CLCN7: variants seen among roughly 807,000 people sequenced by gnomAD.
CLCN7 encodes the protein H(+)/Cl(-) exchange transporter 7.
Under a neutral mutation model 102.1 loss-of-function variants are expected in CLCN7, and 60 were observed. The observed-to-expected ratio is 0.59, with a 90% CI of 0.48 to 0.73. The LOEUF (loss-of-function observed/expected upper bound fraction) is 0.73. CLCN7 is among the 30% of genes least tolerant of loss of function. The pLI is 0.00. For synonymous variants in CLCN7, 560 were observed against 490.5 expected (o/e 1.14, Z -1.87); for missense variants, 962 against 1,125.7 (o/e 0.85, Z 2.08).
rs1202465884 is a variant in CLCN7, at chr16:1,474,829, C to A, written c.141+5G>T. 1 of 1,346,102 alleles carries A rather than the reference C, an allele frequency of 7.4e-7. No individual in the cohort carries two copies. The allele number at this position is 1,346,102 out of a possible 1,614,324, so 83.4% of individuals were successfully genotyped here. A position where few individuals can be genotyped will look rare whatever the true frequency, so the allele number is the denominator to read the frequency against. On this transcript the variant is annotated splice_donor_5th_base_variant and intron_variant, in intron 1 of 24. Coordinates refer to ENST00000382745, the MANE Select transcript of CLCN7 (RefSeq NM_001287.6). ...TTTCCCCGCCTGCGCCCTGCCCGGC[C>A]TCACCTGGCGCGCAGCCCCAGGCCC...
chr16:1,470,980 A>G (rs2039069996), intron 1 of CLCN7, among the ~76,000 whole-genome samples: 1 of 152,130 alleles, frequency 6.6e-6, no homozygotes, highest in South Asian at 2.1e-4. Context: ...CTCAGTTCTC[A>G]AGGAGTTCTG....
intron 1 of CLCN7, among the ~76,000 whole-genome samples, chr16:1,469,054 A>AT (rs2039043405): frequency 6.6e-6 from 1 of 151,626 alleles, no homozygotes; most frequent in Admixed American, 6.6e-5. Flanking sequence ...AAAAAAAAAA[A>AT]AATTAGCCGG....
At position 1,457,721 on chromosome 16, in the gene CLCN7, G is replaced by A. The variant is rs764860854; in HGVS notation, c.711C>T (p.Ser237=). 3.4e-5 allele frequency: 55 copies of A among 1,613,772 alleles called. No individual in the cohort carries two copies. Among genetic ancestry groups the A allele is most frequent in the South Asian group, 6.6e-5 (6 of 91,094 alleles). Reference sequence around the variant, plus strand: ...TTCCCACGGCCAGGCCCCCGACCACGGACAGGATCACACCGGACACTTTGA... The same window carrying A: ...TTCCCACGGCCAGGCCCCCGACCACAGACAGGATCACACCGGACACTTTGA... The part of the protein sequence containing the change: ...LVIKVSGVIL[S]VVGGLAVGKE... Residue 237 remains serine, a synonymous_variant, in exon 8 of 25, where the codon TCC becomes TCT. Transcript: ENST00000382745. This position sits in a 1 kb window ranked among gnomAD's most constrained non-coding sequence, Gnocchi z 5.4.
chr16:1,453,892 C>T lies in CLCN7; in HGVS notation c.1156G>A (p.Gly386Ser), dbSNP rs541028244. Residue 386 changes from glycine (G) to serine (S), a missense_variant and splice_region_variant, in exon 14 of 25, where the codon GGT becomes AGT. Physicochemically the swap from Gly to Ser is moderately conservative, Grantham distance 56. Around this residue, in one of 2 missense-constraint regions of CLCN7, gnomAD observed 799 missense variants for 988.0 expected, o/e 0.81. Coordinates refer to ENST00000382745, the MANE Select transcript of CLCN7 (RefSeq NM_001287.6). ...PVFIAMGVVG[G>S]VLGAVFNALN... The stretch of plus-strand genomic sequence containing the variant: ...GCATTGAACACTGCTCCAAGCACAC[C>T]GCCTGCGAACAGGGGAAAGGCCAGT... 15 of 1,613,176 alleles carry T rather than the reference C, an allele frequency of 9.3e-6. No homozygotes were observed. The highest frequency in any genetic ancestry group is 2.7e-5 in the African/African-American group (2 of 75,074).
intron 1 of CLCN7, among the ~76,000 whole-genome samples, chr16:1,469,959 A>G (rs2039054445): frequency 6.6e-6 from 1 of 152,368 alleles, no homozygotes; most frequent in Admixed American, 6.5e-5. Flanking sequence ...GCCAGTCAGA[A>G]AAAGACAGCT....
rs760226403 is a variant in CLCN7, at chr16:1,447,626, C to T, written c.2073+29G>A. The T allele has an allele frequency of 6.0e-5, 93 of 1,551,992 alleles. No homozygotes were observed. The East Asian group carries it at 1.8e-3, about 30-fold the overall frequency. On this transcript the variant is annotated intron_variant, in intron 22 of 24. Coordinates refer to ENST00000382745, the MANE Select transcript of CLCN7 (RefSeq NM_001287.6). The stretch of plus-strand genomic sequence containing the variant: ...AGGCAGCACCCCCGGGGCCCCCACC[C>T]GCCCAATGGCCCGGAGCCTGGCACG...
rs186169173 is a variant in CLCN7, at chr16:1,458,613, G to A, written c.675+494C>T. ...CTGCCCACCCATCCTCAGACGGGAC[G>A]GGGCTGCGGCAAGTCTCAGGCTAAG... On this transcript the variant is annotated intron_variant, in intron 7 of 24. Coordinates refer to ENST00000382745, the MANE Select transcript of CLCN7 (RefSeq NM_001287.6). Among the ~76,000 whole-genome samples, 629 of 152,340 alleles carry A rather than the reference G, an allele frequency of 4.1e-3. 2 individuals are homozygous for A. Among genetic ancestry groups the A allele is most frequent in the Middle Eastern group, 0.014 (4 of 294 alleles).
chr16:1,460,648 C>T, intron 5 of CLCN7, 121 bp from the exon 6 acceptor site: 1 of 1,273,422 alleles, frequency 7.9e-7, no homozygotes, highest in African/African-American at 1.5e-5. Flanking sequence ...ATGATGTTCA[C>T]TGGACATCCC....
chr16:1,462,422 C>CTAGA (rs1483409280), intron 2 of CLCN7, among the ~76,000 whole-genome samples: 1 of 123,962 alleles, frequency 8.1e-6, no homozygotes, highest in African/African-American at 3.1e-5. Flanking sequence ...TTTGCCCAGG[C>CTAGA]TAGAGTGCAG....
chr16:1,460,803 C>A lies in CLCN7; in HGVS notation c.484+13G>T, dbSNP rs1273834871. The A allele has an allele frequency of 6.2e-7, 1 of 1,613,912 alleles. No homozygotes were observed. Among genetic ancestry groups the A allele is most frequent in the East Asian group, 2.2e-5 (1 of 44,880 alleles). ...CCCCTCCCAAGCTGCAGCGGCCGCA[C>A]TGGGAAGGATACTGCCCTTGATGAC... On this transcript the variant is annotated intron_variant, in intron 5 of 24. Coordinates refer to ENST00000382745, the MANE Select transcript of CLCN7 (RefSeq NM_001287.6).
At chr16:1,453,434 G>A (rs182933345) in intron 14 of CLCN7, among the ~76,000 whole-genome samples, 103 of 152,302 alleles carry the variant, frequency 6.8e-4, no homozygotes, top group South Asian at 5.4e-3. Flanking sequence ...CCCGTGCCCC[G>A]GCTGTACCCG....
At chr16:1,461,009 G>A (rs930110633) in intron 4 of CLCN7, 61 bp from the exon 5 acceptor site, 3 of 1,595,426 alleles carry the variant, frequency 1.9e-6, no homozygotes, top group Admixed American at 1.7e-5. Context: ...TCTGGCAGCA[G>A]CAGGACCGCC....
intron 2 of CLCN7, 86 bp downstream of exon 2, chr16:1,465,181 C>T (rs887384943): frequency 7.4e-7 from 1 of 1,356,874 alleles, no homozygotes; most frequent in South Asian, 1.2e-5. Context: ...CACTATCTCC[C>T]TGCCGCTCGG....
chr16:1,448,724 G>T lies in CLCN7; in HGVS notation c.1840C>A (p.Leu614Met), dbSNP rs1000353389. ...MHIQLQSVPF[L>M]HWEAPVTSHS... The stretch of plus-strand genomic sequence containing the variant: ...GAGGTGACCGGGGCCTCCCAGTGCA[G>T]GAAGGGCACACTCTGCAGCTGAATG... Residue 614 changes from leucine (L) to methionine (M), a missense_variant, in exon 20 of 25, where the codon CTG (leucine) becomes ATG (methionine). Around this residue, in one of 2 missense-constraint regions of CLCN7, gnomAD observed 799 missense variants for 988.0 expected, o/e 0.81. Coordinates refer to ENST00000382745, the MANE Select transcript of CLCN7 (RefSeq NM_001287.6). 5 of 1,612,676 alleles carry T rather than the reference G, an allele frequency of 3.1e-6. No individual in the cohort carries two copies. The highest frequency in any genetic ancestry group is 4.2e-6 in the Non-Finnish European group (5 of 1,179,970).
rs771517159 is a variant in CLCN7, at chr16:1,452,791, C to T, written c.1317G>A (p.Gln439=). Residue 439 remains glutamine, a synonymous_variant, in exon 15 of 25, where the codon CAG becomes CAA. Coordinates refer to ENST00000382745, the MANE Select transcript of CLCN7 (RefSeq NM_001287.6). ...AGGACATGGAGCCCCCCTGCAGGGG[C>T]TGGCAATCCCGCGACGAGTAGATCA... ...FVLIYSSRDC[Q]PLQGGSMSYP... The T allele has an allele frequency of 2.4e-5, 39 of 1,605,714 alleles. No individual in the cohort carries two copies. The highest frequency in any genetic ancestry group is 3.0e-5 in the Non-Finnish European group (35 of 1,176,774).
chr16:1,466,428 G>C (rs533299876), intron 1 of CLCN7, among the ~76,000 whole-genome samples: 1 of 152,364 alleles, frequency 6.6e-6, no homozygotes, highest in South Asian at 2.1e-4. Context: ...CCGAGGTGGG[G>C]ACGGGGAGAC....
rs756760617 is a variant in CLCN7, at chr16:1,461,501, A to G, written c.286-31T>C. On this transcript the variant is annotated intron_variant, in intron 3 of 24. Coordinates refer to ENST00000382745, the MANE Select transcript of CLCN7 (RefSeq NM_001287.6). ...GGCCGGGACAGCAAGGGCAGCACTC[A>G]GCACCGAACCCACGCTCTGGGTGCG... is the stretch of plus-strand genomic sequence containing the variant. The G allele has an allele frequency of 2.5e-6, 4 of 1,597,460 alleles. No homozygotes were observed. In the East Asian group the frequency reaches 9.0e-5, roughly 36 times the overall value.
At chr16:1,460,273 A>C (rs1382174770) in intron 6 of CLCN7, 145 bp downstream of exon 6, 2 of 685,810 alleles carry the variant, frequency 2.9e-6, no homozygotes, top group East Asian at 5.6e-5. Flanking sequence ...TGAGGTTGTG[A>C]GTCTGGACCA....
In CLCN7 at chr16:1,446,914, C is replaced by T. The variant is rs180850269; in HGVS notation, c.2331+92G>A. ...GACTCGGTGCTGGGTCCTGTGCTTC[C>T]GTGTCCCCTGCCGGGAGCTGAGAGT... On this transcript the variant is annotated intron_variant, in intron 24 of 24. Coordinates refer to ENST00000382745, the MANE Select transcript of CLCN7 (RefSeq NM_001287.6). The T allele has an allele frequency of 5.0e-4, 637 of 1,283,808 alleles. 3 individuals carry two copies. In the African/African-American group the frequency reaches 8.2e-3, roughly 17 times the overall value. 79.5% of individuals were successfully genotyped at this position (1,283,808 alleles called of 1,614,324 possible).
Sources: gnomAD v4.1 joint callset for allele counts (sites outside exome capture counted in the v4.1 genomes callset) on GRCh38, gnomAD v4.1.1 for gene constraint, gnomAD v4.1.1 regional missense constraint, Gnocchi (gnomAD v3.1) non-coding constraint, MANE v1.5 for transcripts, NCBI Gene and HGNC (gene_info 2026-07-23, HGNC 2026-07-21) for gene names.